The following CCSER1 variants were observed in gnomAD, a reference collection of about 807,000 sequenced individuals.
CCSER1 encodes coiled-coil serine rich protein 1.
A neutral mutation model predicts 82.0 loss-of-function variants in CCSER1; 41 were observed. That is an observed-to-expected ratio of 0.50 (90% CI 0.39 to 0.65). The LOEUF (loss-of-function observed/expected upper bound fraction) is 0.65, where lower values mean the gene tolerates loss of function less well. CCSER1 is among the 30% of genes least tolerant of loss of function. The probability of loss-of-function intolerance (pLI) is 0.00; values close to 1 mark genes in which losing one functional copy is unlikely to be tolerated. For missense variants in CCSER1, 1,119 were observed against 1,064.2 expected (o/e 1.05, Z -0.72); for synonymous variants, 414 against 383.9 (o/e 1.08, Z -0.92).
At chr4:90,713,494 C>T (rs1741037110) in intron 6 of CCSER1, among the ~76,000 whole-genome samples, 1 of 151,822 alleles carries the variant, frequency 6.6e-6, no homozygotes, top group Admixed American at 6.6e-5. Flanking sequence ...GGCTTGTAGG[C>T]TTTCCACTGA....
At chr4:90,327,929 TACTC>T (rs1176310334) in intron 3 of CCSER1, among the ~76,000 whole-genome samples, 2 of 152,190 alleles carry the variant, frequency 1.3e-5, no homozygotes, top group African/African-American at 2.4e-5. Flanking sequence ...TCTGCGCACT[TACTC>T]TCTTTCTTTC....
chr4:91,307,219 C>A (rs1745130941), intron 10 of CCSER1, among the ~76,000 whole-genome samples: 1 of 151,648 alleles, frequency 6.6e-6, no homozygotes, highest in African/African-American at 2.4e-5. Flanking sequence ...CCCCATATAA[C>A]CTCTCTGTGT....
intron 10 of CCSER1, among the ~76,000 whole-genome samples, chr4:91,559,319 C>T (rs1432883356): frequency 6.6e-6 from 1 of 151,578 alleles, no homozygotes; most frequent in Non-Finnish European, 1.5e-5. Flanking sequence ...TGAGCATCTT[C>T]AAGAATTCTC....
chr4:90,473,653 CTGTT>C (rs1338217351), intron 5 of CCSER1, among the ~76,000 whole-genome samples: 1 of 152,096 alleles, frequency 6.6e-6, no homozygotes, highest in Non-Finnish European at 1.5e-5. Flanking sequence ...TTTGTCAGCT[CTGTT>C]TGTTTATTTA....
chr4:91,264,897 T>C (rs570151653), intron 10 of CCSER1, among the ~76,000 whole-genome samples: 288 of 152,174 alleles, frequency 1.9e-3, no homozygotes, highest in African/African-American at 6.7e-3. Flanking sequence ...TATGAAGATA[T>C]TAAAATATTT....
intron 9 of CCSER1, among the ~76,000 whole-genome samples, chr4:91,049,332 A>G (rs933041819): frequency 6.6e-6 from 1 of 152,116 alleles, no homozygotes. Flanking sequence ...AATCCTTTAC[A>G]TGTCACATGC....
At chr4:90,190,797 C>T (rs930769720) in intron 1 of CCSER1, among the ~76,000 whole-genome samples, 3 of 152,034 alleles carry the variant, frequency 2.0e-5, no homozygotes, top group Non-Finnish European at 4.4e-5. Flanking sequence ...ATGCTAGGTG[C>T]AGCTGTTAAT....
intron 3 of CCSER1, among the ~76,000 whole-genome samples, chr4:90,323,162 C>T (rs529336318): frequency 1.3e-5 from 2 of 152,244 alleles, no homozygotes; most frequent in South Asian, 2.1e-4. Flanking sequence ...GTACTCCTCC[C>T]TCTCCTTTCC....
At chr4:91,580,190 G>T (rs1578844217) in intron 10 of CCSER1, among the ~76,000 whole-genome samples, 1 of 151,884 alleles carries the variant, frequency 6.6e-6, no homozygotes, top group Non-Finnish European at 1.5e-5. Flanking sequence ...ATTTGACATA[G>T]TTGTACTTTA....
At chr4:91,453,345 T>C (rs1421390958) in intron 10 of CCSER1, among the ~76,000 whole-genome samples, 1 of 152,022 alleles carries the variant, frequency 6.6e-6, no homozygotes, top group African/African-American at 2.4e-5. Flanking sequence ...GTGATTTGTT[T>C]TGCCCCATTG....
At chr4:91,400,347 A>T (rs1277147364) in intron 10 of CCSER1, among the ~76,000 whole-genome samples, 2 of 151,830 alleles carry the variant, frequency 1.3e-5, no homozygotes, top group East Asian at 1.9e-4. Context: ...GTTAAGTAGT[A>T]CTAAGAAGGG....
intron 10 of CCSER1, among the ~76,000 whole-genome samples, chr4:91,168,288 GCCGCCC>G (rs1732361608): frequency 7.4e-6 from 1 of 134,752 alleles, no homozygotes. Context: ...CCTCTGCCCG[GCCGCCC>G]CTTCTGGGAT....
intron 3 of CCSER1, among the ~76,000 whole-genome samples, chr4:90,313,853 T>A (rs1735719701): frequency 6.6e-6 from 1 of 152,184 alleles, no homozygotes. Flanking sequence ...GTGTCCTTTT[T>A]CAGCAGTGTA....
intron 10 of CCSER1, among the ~76,000 whole-genome samples, chr4:91,584,146 T>C (rs1352865666): frequency 1.3e-5 from 2 of 151,534 alleles, no homozygotes; most frequent in Non-Finnish European, 3.0e-5. Flanking sequence ...AAATAACTAC[T>C]AAATGCCAGA....
intron 9 of CCSER1, among the ~76,000 whole-genome samples, chr4:91,084,769 A>T (rs1262729922): frequency 6.6e-6 from 1 of 152,136 alleles, no homozygotes; most frequent in Admixed American, 6.6e-5. Context: ...ATCCTAGAAC[A>T]TTTTCTAGGG....
intron 1 of CCSER1, among the ~76,000 whole-genome samples, chr4:90,191,912 T>A (rs1054971549): frequency 2.3e-4 from 35 of 152,204 alleles, no homozygotes; most frequent in African/African-American, 8.2e-4. Flanking sequence ...ACTAGAGACA[T>A]TGCATTGAGT....
At chr4:91,109,965 C>T (rs561906481) in intron 10 of CCSER1, among the ~76,000 whole-genome samples, 1 of 152,044 alleles carries the variant, frequency 6.6e-6, no homozygotes, top group Admixed American at 6.6e-5. Flanking sequence ...TAATAGAAGG[C>T]AGGATAGTAT....
At chr4:90,415,437 T>C (rs1755646797) in intron 4 of CCSER1, among the ~76,000 whole-genome samples, 2 of 152,172 alleles carry the variant, frequency 1.3e-5, no homozygotes, top group Admixed American at 1.3e-4. Flanking sequence ...ATAATTTCAA[T>C]ATGGAAATTA....
intron 4 of CCSER1, among the ~76,000 whole-genome samples, chr4:90,448,258 A>T (rs562781067): frequency 6.6e-6 from 1 of 151,844 alleles, no homozygotes; most frequent in South Asian, 2.1e-4. Flanking sequence ...CCATGATTTT[A>T]TCTTATGTTT....
Sources: gnomAD v4.1 joint callset for allele counts (sites outside exome capture counted in the v4.1 genomes callset) on GRCh38, gnomAD v4.1.1 for gene constraint, MANE v1.5 for transcripts, NCBI Gene and HGNC (gene_info 2026-07-23, HGNC 2026-07-21) for gene names.